TRANK1: variants seen among roughly 807,000 people sequenced by gnomAD.
TRANK1 encodes the protein TPR and ankyrin repeat-containing protein 1.
TRANK1 carries 198 observed loss-of-function variants against 266.0 expected under a neutral mutation model. The ratio of observed to expected loss-of-function variants is 0.74; its 90% confidence interval spans 0.66 to 0.84. The LOEUF (loss-of-function observed/expected upper bound fraction) is 0.84. TRANK1 is among the 40% of genes least tolerant of loss of function. The probability of loss-of-function intolerance (pLI) is 0.00; values close to 1 mark genes in which losing one functional copy is unlikely to be tolerated. For synonymous variants in TRANK1, 1,396 were observed against 1,384.1 expected, an observed-to-expected ratio of 1.01 and a Z score of -0.19; for missense variants, 3,326 against 3,634.6, an observed-to-expected ratio of 0.92 and a Z score of 2.18.
chr3:36,895,616 T>G, intron 5 of TRANK1, 24 bp downstream of exon 5: 14 of 1,404,746 alleles, frequency 1.0e-5, no homozygotes, highest in Non-Finnish European at 1.1e-5. Context: ...ACTCTCCCCG[T>G]GAGAGCCATC....
At chr3:36,920,957 C>T (rs922713805) in intron 1 of TRANK1, among the ~76,000 whole-genome samples, 1 of 152,198 alleles carries the variant, frequency 6.6e-6, no homozygotes, top group African/African-American at 2.4e-5. Flanking sequence ...TCTTTGTCCT[C>T]CATTTTAAAG....
At chr3:36,943,126 A>C (rs1183506783) in intron 1 of TRANK1, among the ~76,000 whole-genome samples, 1 of 151,368 alleles carries the variant, frequency 6.6e-6, no homozygotes, top group Admixed American at 6.6e-5. Flanking sequence ...CAGGAGGCGG[A>C]GGCTGCAGTG....
At chr3:36,842,747 G>T in intron 17 of TRANK1, 37 bp from the exon 18 acceptor site, 1 of 1,576,156 alleles carries the variant, frequency 6.3e-7, no homozygotes, top group Non-Finnish European at 8.7e-7. Context: ...GCTTCTCTGG[G>T]CTTTCTTTCA....
intron 21 of TRANK1, 128 bp from the exon 22 acceptor site, chr3:36,834,047 C>T (rs2078735056): frequency 1.1e-6 from 1 of 920,712 alleles, no homozygotes; most frequent in Non-Finnish European, 1.6e-6. Context: ...AAAACCTAAA[C>T]TTGTCAAGCA....
chr3:36,856,293 A>ATCTTCC lies in TRANK1; in HGVS notation c.3423_3428dup (p.Glu1141_Glu1142dup), dbSNP rs760240158. 9.4e-6 allele frequency: 15 copies of ATCTTCC among 1,591,432 alleles called. No homozygotes were observed. Among genetic ancestry groups the ATCTTCC allele is most frequent in the Admixed American group, 1.8e-5 (1 of 55,050 alleles). On this transcript the variant is annotated inframe_insertion, in exon 13 of 24. Coordinates refer to ENST00000645898, the MANE Select transcript of TRANK1 (RefSeq NM_001329998.2). ...TTTCTACTGTTTCCACTTCAATAGA[A>ATCTTCC]TCTTCCTCTTCCTCGTCCTCTTCCT...
chr3:36,852,024 A>G, intron 14 of TRANK1, 122 bp downstream of exon 14: 1 of 1,363,076 alleles, frequency 7.3e-7, no homozygotes, highest in Non-Finnish European at 9.8e-7. Context: ...CATCTCTGGA[A>G]CTCACCCACT....
intron 2 of TRANK1, among the ~76,000 whole-genome samples, chr3:36,907,686 G>A (rs1219315644): frequency 6.7e-6 from 1 of 149,166 alleles, no homozygotes; most frequent in African/African-American, 2.5e-5. Flanking sequence ...GGATGGTCTC[G>A]ATCTCCTGAC....
At chr3:36,915,621 C>A (rs1200172244) in intron 1 of TRANK1, among the ~76,000 whole-genome samples, 2 of 152,172 alleles carry the variant, frequency 1.3e-5, no homozygotes, top group Non-Finnish European at 2.9e-5. Flanking sequence ...TGGCCACTAT[C>A]CCCACCTTCC....
intron 1 of TRANK1, among the ~76,000 whole-genome samples, chr3:36,911,111 A>C (rs949170961): frequency 6.6e-6 from 1 of 152,212 alleles, no homozygotes; most frequent in Non-Finnish European, 1.5e-5. Context: ...TTAATGACAG[A>C]GCAAGTTAGT....
intron 13 of TRANK1, 66 bp from the exon 14 acceptor site, chr3:36,852,411 G>C (rs2078996748): frequency 6.4e-6 from 9 of 1,414,924 alleles, no homozygotes; most frequent in Non-Finnish European, 7.5e-6. Flanking sequence ...GGTTATTTGG[G>C]GTGGGGGACA....
At chr3:36,905,277 C>T (rs2079948264) in intron 2 of TRANK1, among the ~76,000 whole-genome samples, 1 of 141,270 alleles carries the variant, frequency 7.1e-6, no homozygotes, top group African/African-American at 2.7e-5. Flanking sequence ...GGAGACAGAG[C>T]AAGACTCTGT....
At chr3:36,941,366 C>T (rs2080494155) in intron 1 of TRANK1, among the ~76,000 whole-genome samples, 1 of 152,208 alleles carries the variant, frequency 6.6e-6, no homozygotes, top group Non-Finnish European at 1.5e-5. Context: ...CCACCAGGCT[C>T]ACAGGAGCTC....
chr3:36,883,656 G>A (rs192336119), intron 8 of TRANK1, among the ~76,000 whole-genome samples: 92 of 152,188 alleles, frequency 6.0e-4, no homozygotes, highest in African/African-American at 2.1e-3. Context: ...ATGGGCAGGC[G>A]GCAGAAAGGA....
At position 36,895,754 on chromosome 3, in the gene TRANK1, G is replaced by A. The variant is rs192869854; in HGVS notation, c.438C>T (p.Asp146=). ...LVGVFTTMSS[D]SIVLQSFLPC... ...GCAAGAAACTTTGCAAAACAATGGA[G>A]TCACCTAAAAGAAAGTTTCATAATT... The change falls in exon 5 of 24, where the codon GAC becomes GAT. Residue 146 remains aspartate, a synonymous_variant. Coordinates refer to ENST00000645898, the MANE Select transcript of TRANK1 (RefSeq NM_001329998.2). 90 of 1,527,018 alleles carry A rather than the reference G, an allele frequency of 5.9e-5. No individual in the cohort carries two copies. The African/African-American group carries it at 1.1e-3, about 19-fold the overall frequency. 94.6% of individuals were successfully genotyped at this position (1,527,018 alleles called of 1,614,324 possible). A position where few individuals can be genotyped will look rare whatever the true frequency, so the allele number is the denominator to read the frequency against.
chr3:36,915,287 G>C (rs748623088), intron 1 of TRANK1, among the ~76,000 whole-genome samples: 1 of 152,130 alleles, frequency 6.6e-6, no homozygotes, highest in Non-Finnish European at 1.5e-5. Flanking sequence ...TATTGATAAT[G>C]TACATATTCA....
rs2078860793 is a variant in TRANK1 at position 36,842,541 on chromosome 3, C to A, written c.5280+81G>T. On this transcript the variant is annotated intron_variant, in intron 18 of 23. Transcript: ENST00000645898. ...CATTACGCTCATCCTTTCCTGGTGA[C>A]AAACACCATGATGTGAAACCTGCCT... The A allele has an allele frequency of 6.3e-6, 8 of 1,262,866 alleles. No individual in the cohort carries two copies. In the Admixed American group the frequency reaches 1.1e-4, roughly 18 times the overall value. 78.2% of individuals were successfully genotyped at this position (1,262,866 alleles called of 1,614,324 possible).
chr3:36,858,847 A>T lies in TRANK1; in HGVS notation c.1543T>A (p.Cys515Ser), dbSNP rs566781996. 5.2e-6 allele frequency: 8 copies of T among 1,537,252 alleles called. No homozygotes were observed. Among genetic ancestry groups the T allele is most frequent in the Non-Finnish European group, 7.0e-6 (8 of 1,146,880 alleles). ...AACTCGAAGTCCTCATGTTTCAGGC[A>T]CGTGACAACTGGCCTCTCCTGGCTC... ...QESQERPVVTCLKHEDFELAF... is the reference protein window; with the variant it reads ...QESQERPVVTSLKHEDFELAF... Residue 515 changes from cysteine to serine, a missense_variant, in exon 12 of 24, where the codon TGC becomes AGC. Cys to Ser is a moderately radical substitution (Grantham distance 112). Transcript: ENST00000645898.
chr3:36,859,415 C>T (rs116404440), intron 11 of TRANK1, among the ~76,000 whole-genome samples: 1,973 of 152,194 alleles, frequency 0.013, 54 homozygotes, highest in African/African-American at 0.044. Flanking sequence ...GCTATCCCTC[C>T]GCTAACCCCC....
chr3:36,939,913 C>G (rs148044834), intron 1 of TRANK1, among the ~76,000 whole-genome samples: 1 of 151,020 alleles, frequency 6.6e-6, no homozygotes, highest in Non-Finnish European at 1.5e-5. Flanking sequence ...TCTTTTGAGA[C>G]GGAGTCTTGC....
Sources: allele counts gnomAD v4.1 joint callset (sites outside exome capture counted in the v4.1 genomes callset), GRCh38; gene constraint gnomAD v4.1.1; transcripts MANE v1.5; gene names NCBI Gene and HGNC (gene_info 2026-07-23, HGNC 2026-07-21).